The following ZNF320 variants were observed in gnomAD, a reference collection of about 807,000 sequenced individuals.
The protein encoded by ZNF320 is zinc finger gene 320.
ZNF320 carries 2 observed loss-of-function variants against 6.8 expected under a neutral mutation model. The observed-to-expected ratio is 0.29, with a 90% CI of 0.12 to 0.93. The LOEUF (loss-of-function observed/expected upper bound fraction) is 0.93, where lower values mean the gene tolerates loss of function less well. ZNF320 is among the 40% of genes least tolerant of loss of function. ZNF320 has a pLI of 0.55. For missense variants in ZNF320, 472 were observed against 611.0 expected, an observed-to-expected ratio of 0.77 and a Z score of 2.40; for synonymous variants, 208 against 203.2, an observed-to-expected ratio of 1.02 and a Z score of -0.20.
At chr19:52,868,436 G>A (rs903905980) in intron 5 of ZNF320, among the ~76,000 whole-genome samples, 2 of 151,898 alleles carry the variant, frequency 1.3e-5, no homozygotes, top group African/African-American at 2.4e-5. Flanking sequence ...AACCCCCGGG[G>A]CGGAGGTTGT....
At position 52,880,878 on chromosome 19, in the gene ZNF320, T is replaced by C. The variant is rs754729607; in HGVS notation, c.1248A>G (p.Glu416=). Residue 416 remains glutamate (E), a synonymous_variant, in exon 6 of 6, where the codon GAA becomes GAG. Transcript: ENST00000682928. ...LHTGEKLYEC[E]ECDKVYIRKS... ...TGCGAATGTAAACTTTGTCACATTC[T>C]TCACATTCGTAAAGTTTCTCTCCAG... 1.9e-6 allele frequency: 3 copies of C among 1,614,016 alleles called. No individual in the cohort carries two copies. The highest frequency in any genetic ancestry group is 1.7e-5 in the Admixed American group (1 of 60,014).
Position 52,881,361 on chromosome 19 carries a change from A to G in ZNF320, c.765T>C (p.Ser255=). The change falls in exon 6 of 6, where the codon AGT becomes AGC. Residue 255 remains serine, a synonymous_variant. Transcript: ENST00000682928. Reference sequence around the variant, plus strand: ...GATGGTACACAAGGTGTGATGTCTGACTAAAGGTCTTGCCACACTCATTAC... The same window carrying G: ...GATGGTACACAAGGTGTGATGTCTGGCTAAAGGTCTTGCCACACTCATTAC... The part of the protein sequence containing the change: ...YKCNECGKTF[S]QTSHLVYHHR... The G allele has an allele frequency of 6.2e-7, 1 of 1,613,986 alleles. No homozygotes were observed. Among genetic ancestry groups the G allele is most frequent in the Non-Finnish European group, 8.5e-7 (1 of 1,179,994 alleles).
chr19:52,881,944 G>A lies in ZNF320; in HGVS notation c.182C>T (p.Thr61Ile). The A allele has an allele frequency of 6.2e-7, 1 of 1,606,428 alleles. No homozygotes were observed. Residue 61 changes from threonine (T) to isoleucine (I), a missense_variant, in exon 6 of 6, where the codon ACA (threonine) becomes ATA (isoleucine). Physicochemically the swap from Thr to Ile is moderately conservative, Grantham distance 89. Coordinates refer to ENST00000682928, the MANE Select transcript of ZNF320 (RefSeq NM_001351774.2). ...SKCMMNTLSSTGQGNTEVIHT... is the reference protein window; with the variant it reads ...SKCMMNTLSSIGQGNTEVIHT... ...GATCACTTCTGTATTGCCTTGCCCT[G>A]TTGATGACAATGTATTCATCATGCA...
rs752461867 is a variant in ZNF320, at chr19:52,890,226, A to C, written c.15+15T>G. The C allele has an allele frequency of 6.2e-6, 10 of 1,607,046 alleles. No individual in the cohort carries two copies. The highest frequency in any genetic ancestry group is 3.4e-5 in the Admixed American group (2 of 59,684). On this transcript the variant is annotated intron_variant, in intron 4 of 5. Coordinates refer to ENST00000682928, the MANE Select transcript of ZNF320 (RefSeq NM_001351774.2). ...AGGAAGGAGACAGAACAATCCACCG[A>C]GAATATCATCTCACCTGAGAAAGAG...
chr19:52,904,240 G>T, the ZNF320 span, among the ~76,000 whole-genome samples: 1 of 152,230 alleles, frequency 6.6e-6, no homozygotes, highest in Non-Finnish European at 1.5e-5. Context: ...ACCCAGGAGC[G>T]CTCTTTGGAT....
At chr19:52,882,410 CACA>C (rs1179012670) in intron 5 of ZNF320, among the ~76,000 whole-genome samples, 1 of 151,940 alleles carries the variant, frequency 6.6e-6, no homozygotes, top group Non-Finnish European at 1.5e-5. Context: ...GTAAATAATC[CACA>C]ACAAGCTCTT....
At chr19:52,896,264 G>C (rs1466821899) in intron 1 of ZNF320, among the ~76,000 whole-genome samples, 1 of 152,040 alleles carries the variant, frequency 6.6e-6, no homozygotes, top group African/African-American at 2.4e-5. Flanking sequence ...GCTAATTTCT[G>C]TATTTTATTC....
At chr19:52,903,182 G>C in the ZNF320 span, among the ~76,000 whole-genome samples, 1 of 152,090 alleles carries the variant, frequency 6.6e-6, no homozygotes, top group Admixed American at 6.6e-5. Context: ...CTTTGGACTA[G>C]ACTGTCTAAG....
rs2063771361 is a variant in ZNF320, at chr19:52,876,537, T to C, written c.*4059A>G. ...TATTTTAGAGATGGAGTCTCGCTCT[T>C]GCCCAGCCAGAGTGCAGTTGCAGGA... On this transcript the variant is annotated 3_prime_UTR_variant, in exon 6 of 6. Transcript: ENST00000682928. 2.6e-5 allele frequency: 4 copies of C among 152,180 alleles called. No individual in the cohort carries two copies. In the South Asian group the frequency reaches 6.2e-4, roughly 24 times the overall value. 9.4% of individuals were successfully genotyped at this position (152,180 alleles called of 1,614,324 possible).
rs371617114 is a variant in ZNF320 at position 52,880,594 on chromosome 19, T to C, written c.*2A>G. ...CAGGTCAATGCTGATTTGACTCTGATGTCAATTAATGCTTGATGGTTTGCT... is the reference window on the plus strand; with the variant it reads ...CAGGTCAATGCTGATTTGACTCTGACGTCAATTAATGCTTGATGGTTTGCT... On this transcript the variant is annotated 3_prime_UTR_variant, in exon 6 of 6. Transcript: ENST00000682928. 2 of 1,589,384 alleles carry C rather than the reference T, an allele frequency of 1.3e-6. No homozygotes were observed. The highest frequency in any genetic ancestry group is 1.7e-6 in the Non-Finnish European group (2 of 1,169,672).
intron 5 of ZNF320, among the ~76,000 whole-genome samples, chr19:52,882,940 C>T (rs1425441307): frequency 7.3e-6 from 1 of 136,810 alleles, no homozygotes; most frequent in Non-Finnish European, 1.6e-5. Context: ...GACTCCGTCT[C>T]AAAAAAAAAA....
At chr19:52,862,496 C>G in exon 6 of ZNF320, 1 of 358,344 alleles carries the variant, frequency 2.8e-6, no homozygotes, top group South Asian at 2.3e-5. Context: ...ACATTTATCA[C>G]ACTTGTAAGA....
At chr19:52,867,801 G>A (rs950994608) in intron 5 of ZNF320, among the ~76,000 whole-genome samples, 2 of 151,894 alleles carry the variant, frequency 1.3e-5, no homozygotes, top group African/African-American at 2.4e-5. Flanking sequence ...TAGTTGAGAT[G>A]AGGTTTTACC....
chr19:52,865,585 T>C (rs1318025587), intron 5 of ZNF320, among the ~76,000 whole-genome samples: 4 of 130,838 alleles, frequency 3.1e-5, no homozygotes, highest in African/African-American at 6.2e-5. Context: ...ATTTATATGA[T>C]TATACATATA....
intron 1 of ZNF320, chr19:52,894,095 G>C (rs914310341): frequency 1.1e-4 from 16 of 152,108 alleles, no homozygotes; most frequent in African/African-American, 3.9e-4. Flanking sequence ...TTAAAAACTA[G>C]TGAAGAGGGG....
At chr19:52,868,248 T>C (rs2063613757) in intron 5 of ZNF320, among the ~76,000 whole-genome samples, 1 of 152,148 alleles carries the variant, frequency 6.6e-6, no homozygotes. Flanking sequence ...GGCTCACGCT[T>C]GTAATCCCAA....
rs2063842812 is a variant in ZNF320 at position 52,879,180 on chromosome 19, A to G, written c.*1416T>C. ...ATATCATGCACAATTTTCTCATAAT[A>G]TGTATTTTTCCATGAACTTCCTGAA... On this transcript the variant is annotated 3_prime_UTR_variant, in exon 6 of 6. Coordinates refer to ENST00000682928, the MANE Select transcript of ZNF320 (RefSeq NM_001351774.2). 1 of 152,210 alleles carries G rather than the reference A, an allele frequency of 6.6e-6. No homozygotes were observed. The highest frequency in any genetic ancestry group is 6.6e-5 in the Admixed American group (1 of 15,264). 9.4% of individuals were successfully genotyped at this position (152,210 alleles called of 1,614,324 possible). A position where few individuals can be genotyped will look rare whatever the true frequency, so the allele number is the denominator to read the frequency against.
intron 5 of ZNF320, among the ~76,000 whole-genome samples, chr19:52,871,090 TCAG>T (rs2063673014): frequency 6.6e-6 from 1 of 152,122 alleles, no homozygotes; most frequent in Non-Finnish European, 1.5e-5. Flanking sequence ...GATGTTGCAG[TCAG>T]CTGACAGCCT....
chr19:52,891,053 G>C (rs571016828), intron 3 of ZNF320, among the ~76,000 whole-genome samples, 176 bp downstream of exon 3: 1 of 152,176 alleles, frequency 6.6e-6, no homozygotes, highest in Non-Finnish European at 1.5e-5. Flanking sequence ...GGAAGCTGAG[G>C]TTGGAGGATC....
Sources: allele counts gnomAD v4.1 joint callset (sites outside exome capture counted in the v4.1 genomes callset), GRCh38; gene constraint gnomAD v4.1.1; transcripts MANE v1.5; gene names NCBI Gene and HGNC (gene_info 2026-07-23, HGNC 2026-07-21).